The following FHOD3 variants were observed in gnomAD, a reference collection of about 807,000 sequenced individuals.
The protein encoded by FHOD3 is formin homology 2 domain containing 3, also known as FH1/FH2 domain-containing protein 3.
A neutral mutation model predicts 173.0 loss-of-function variants in FHOD3; 90 were observed. The observed-to-expected ratio is 0.52, with a 90% CI of 0.44 to 0.62. FHOD3 has a LOEUF of 0.62. Ranked by LOEUF, FHOD3 falls within the 20% of genes least tolerant of loss-of-function variation. The pLI is 0.00. For synonymous variants in FHOD3, 828 were observed against 823.0 expected (o/e 1.01, Z -0.10); for missense variants, 1,945 against 2,034.7 (o/e 0.96, Z 0.85).
At chr18:36,648,696 G>C (rs1024837968) in intron 10 of FHOD3, among the ~76,000 whole-genome samples, 1 of 152,066 alleles carries the variant, frequency 6.6e-6, no homozygotes, top group African/African-American at 2.4e-5. Context: ...GATATGAATT[G>C]GCCCCACTTG....
At chr18:36,375,184 T>C (rs2047378945) in intron 3 of FHOD3, among the ~76,000 whole-genome samples, 1 of 152,194 alleles carries the variant, frequency 6.6e-6, no homozygotes, top group African/African-American at 2.4e-5. Flanking sequence ...TTCTTATGGA[T>C]AAAGAAAACA....
chr18:36,605,531 T>A (rs1366398246), intron 8 of FHOD3, among the ~76,000 whole-genome samples: 1 of 152,214 alleles, frequency 6.6e-6, no homozygotes, highest in Admixed American at 6.5e-5. Context: ...TCAAATGTAA[T>A]CCTTTCCTTA....
intron 12 of FHOD3, among the ~76,000 whole-genome samples, 170 bp downstream of exon 12, chr18:36,653,099 C>G (rs540893808): frequency 6.6e-6 from 1 of 152,222 alleles, no homozygotes; most frequent in African/African-American, 2.4e-5. Flanking sequence ...TAAATAATGA[C>G]CAGTGTTTAC....
chr18:36,326,230 ATGCC>A (rs1705078366), intron 1 of FHOD3, among the ~76,000 whole-genome samples: 1 of 152,220 alleles, frequency 6.6e-6, no homozygotes, highest in African/African-American at 2.4e-5. Context: ...AGATTCAAAT[ATGCC>A]TGCCAGTGGC....
Position 36,760,654 on chromosome 18 carries a change from A to C in FHOD3, c.4496A>C (p.Gln1499Pro), listed in dbSNP as rs1321482767. Reference sequence around the variant, plus strand: ...TCTCCGGCGCCCCCAAGCCAGCCGCAGGGTCTGAGCTATGCGGAGGACGCG... The same window carrying C: ...TCTCCGGCGCCCCCAAGCCAGCCGCCGGGTCTGAGCTATGCGGAGGACGCG... ...GSSPAPPSQP[Q>P]GLSYAEDAAE... The change falls in exon 27 of 29, where the codon CAG becomes CCG. Residue 1499 changes from glutamine to proline, a missense_variant. Physicochemically the swap from Gln to Pro is moderately conservative, Grantham distance 76. This residue lies in a region of FHOD3 where 354 missense variants were observed against 359.9 expected (regional missense o/e 0.98). Coordinates refer to ENST00000590592, the MANE Select transcript of FHOD3 (RefSeq NM_001281740.3). The C allele has an allele frequency of 6.3e-7, 1 of 1,599,210 alleles. No individual in the cohort carries two copies. Among genetic ancestry groups the C allele is most frequent in the East Asian group, 2.3e-5 (1 of 43,718 alleles).
chr18:36,323,791 T>C (rs550317150), intron 1 of FHOD3, among the ~76,000 whole-genome samples: 6 of 152,374 alleles, frequency 3.9e-5, no homozygotes, highest in Admixed American at 2.0e-4. Flanking sequence ...TTGATGCCCA[T>C]AGGGGCACAG....
chr18:36,692,991 T>G (rs2039051853), intron 16 of FHOD3: 1 of 587,550 alleles, frequency 1.7e-6, no homozygotes, highest in South Asian at 2.0e-5. Flanking sequence ...ATGCTGCCAT[T>G]TCCCCCAATT....
intron 4 of FHOD3, among the ~76,000 whole-genome samples, chr18:36,509,434 AAAAAAAAG>A (rs1378531988): frequency 1.1e-4 from 9 of 78,688 alleles, no homozygotes; most frequent in South Asian, 3.5e-4. Flanking sequence ...CTCAAAAAAA[AAAAAAAAG>A]AAAAAAAAAA....
intron 24 of FHOD3, among the ~76,000 whole-genome samples, chr18:36,752,769 G>T (rs2042457982): frequency 1.3e-5 from 2 of 152,124 alleles, no homozygotes; most frequent in South Asian, 4.1e-4. Context: ...GCTCTAGAAA[G>T]TGTAGGATAA....
intron 1 of FHOD3, among the ~76,000 whole-genome samples, chr18:36,348,857 C>CGTGGTGCA (rs2045985734): frequency 6.6e-6 from 1 of 152,186 alleles, no homozygotes; most frequent in African/African-American, 2.4e-5. Context: ...CCTGCAGTGT[C>CGTGGTGCA]GTGGTGCATT....
chr18:36,635,494 C>T (rs765718684), intron 10 of FHOD3, among the ~76,000 whole-genome samples: 3 of 152,080 alleles, frequency 2.0e-5, no homozygotes, highest in Non-Finnish European at 2.9e-5. Context: ...GCAGGGCTTT[C>T]GCTGGTCCAG....
At chr18:36,628,396 CAATTT>C (rs2034269418) in intron 10 of FHOD3, among the ~76,000 whole-genome samples, 1 of 152,140 alleles carries the variant, frequency 6.6e-6, no homozygotes, top group African/African-American at 2.4e-5. Flanking sequence ...ATTAGAGAGA[CAATTT>C]GATTTACATT....
chr18:36,483,268 A>AAAAGTGTG (rs2054024417), intron 3 of FHOD3, among the ~76,000 whole-genome samples: 1 of 152,318 alleles, frequency 6.6e-6, no homozygotes, highest in African/African-American at 2.4e-5. Context: ...AAGCCAGCAG[A>AAAAGTGTG]AAAGTGTGGC....
Position 36,779,111 on chromosome 18 carries a change from T to C in FHOD3, c.4787-337T>C, listed in dbSNP as rs571840167. On this transcript the variant is annotated intron_variant, in intron 28 of 28. Transcript: ENST00000590592. ...AGATGCTGAGGTCTCTCCTGCCCTC[T>C]GCACTTCTGCAGTTCACCCCCTTCT... is the stretch of plus-strand genomic sequence containing the variant. 4 of 333,514 alleles carry C rather than the reference T, an allele frequency of 1.2e-5. No individual in the cohort carries two copies. In the East Asian group the frequency reaches 2.3e-4, roughly 19 times the overall value. 20.7% of individuals were successfully genotyped at this position (333,514 alleles called of 1,614,324 possible). A position where few individuals can be genotyped will look rare whatever the true frequency, so the allele number is the denominator to read the frequency against.
intron 8 of FHOD3, among the ~76,000 whole-genome samples, chr18:36,604,881 T>C (rs925146029): frequency 1.3e-5 from 2 of 152,182 alleles, no homozygotes; most frequent in Non-Finnish European, 2.9e-5. Flanking sequence ...GATGTTATCC[T>C]AAATATATTA....
intron 1 of FHOD3, among the ~76,000 whole-genome samples, chr18:36,306,262 C>T (rs991088296): frequency 2.0e-5 from 3 of 152,134 alleles, no homozygotes; most frequent in Non-Finnish European, 4.4e-5. Context: ...GCACAGTCTA[C>T]AGTGGCCCCT....
chr18:36,600,499 C>T (rs1323439380), intron 7 of FHOD3, among the ~76,000 whole-genome samples: 1 of 152,004 alleles, frequency 6.6e-6, no homozygotes, highest in Non-Finnish European at 1.5e-5. Flanking sequence ...TTTTCTGCCC[C>T]AAAACAATAA....
At chr18:36,604,662 AAG>A (rs1306084482) in intron 8 of FHOD3, among the ~76,000 whole-genome samples, 8 of 152,162 alleles carry the variant, frequency 5.3e-5, no homozygotes, top group Admixed American at 4.6e-4. Context: ...GAAGAAAAAA[AAG>A]AGAGAGAGAG....
At chr18:36,372,838 A>C in intron 3 of FHOD3, 94 bp downstream of exon 3, 1 of 1,040,262 alleles carries the variant, frequency 9.6e-7, no homozygotes, top group Non-Finnish European at 1.4e-6. Flanking sequence ...GTCTGTTTGC[A>C]CTAGCCCCTA....
Sources: allele counts gnomAD v4.1 joint callset (sites outside exome capture counted in the v4.1 genomes callset), GRCh38; gene constraint gnomAD v4.1.1; regional missense constraint gnomAD v4.1.1; transcripts MANE v1.5; gene names NCBI Gene and HGNC (gene_info 2026-07-23, HGNC 2026-07-21).